HMMR: variants seen among roughly 807,000 people sequenced by gnomAD.
HMMR encodes the protein hyaluronan mediated motility receptor, also known as intracellular hyaluronic acid-binding protein.
In HMMR, 108 loss-of-function variants were observed where a neutral mutation model predicts 101.0. That is an observed-to-expected ratio of 1.07 (90% CI 0.92 to 1.25). The LOEUF (loss-of-function observed/expected upper bound fraction) is 1.25. Ranked by LOEUF, HMMR falls within the 50% of genes most tolerant of loss-of-function variation. The pLI is 0.00. For missense variants in HMMR, 813 were observed against 788.7 expected (o/e 1.03, Z -0.37); for synonymous variants, 296 against 276.4 (o/e 1.07, Z -0.70).
At chr5:163,477,707 A>C (rs921633190) in intron 11 of HMMR, among the ~76,000 whole-genome samples, 4 of 152,152 alleles carry the variant, frequency 2.6e-5, no homozygotes, top group African/African-American at 9.7e-5. Flanking sequence ...GTTGATTCTG[A>C]GCAAAACAAT....
chr5:163,460,804 C>T, intron 1 of HMMR, 66 bp downstream of exon 1: 1 of 1,465,366 alleles, frequency 6.8e-7, no homozygotes, highest in Non-Finnish European at 9.4e-7. Flanking sequence ...TTTCAGCTCC[C>T]TTCTTGGGAG....
At chr5:163,477,872 A>G (rs1036230344) in intron 11 of HMMR, among the ~76,000 whole-genome samples, 1 of 152,194 alleles carries the variant, frequency 6.6e-6, no homozygotes, top group Admixed American at 6.5e-5. Context: ...AAATATTTTT[A>G]TTATAAACTC....
At chr5:163,468,326 C>G (rs1001316121) in intron 4 of HMMR, among the ~76,000 whole-genome samples, 1 of 152,196 alleles carries the variant, frequency 6.6e-6, no homozygotes, top group African/African-American at 2.4e-5. Flanking sequence ...TCAGTAGCCA[C>G]ATGTGATTGG....
At position 163,464,752 on chromosome 5, in the gene HMMR, G is replaced by T; in HGVS notation, c.175G>T (p.Asp59Tyr). 1 of 1,612,906 alleles carries T rather than the reference G, an allele frequency of 6.2e-7. No homozygotes were observed. ...TAAACAAAATCTTAATGTTGACAAA[G>T]ATACTACCTTGCCTGCTTCAGCTAG... ...ESKQNLNVDK[D>Y]TTLPASARKV... The change falls in exon 3 of 18, where the codon GAT becomes TAT. Residue 59 changes from aspartate (D) to tyrosine (Y), a missense_variant. Asp to Tyr is a radical substitution (Grantham distance 160). Coordinates refer to ENST00000393915, the MANE Select transcript of HMMR (RefSeq NM_001142556.2).
At chr5:163,475,184 A>G (rs1759028402) in intron 10 of HMMR, among the ~76,000 whole-genome samples, 1 of 151,914 alleles carries the variant, frequency 6.6e-6, no homozygotes, top group Admixed American at 6.5e-5. Context: ...GCCAGTTGTA[A>G]AACAGATATA....
At chr5:163,469,877 G>GT in intron 5 of HMMR, 48 bp downstream of exon 5, 1 of 1,345,378 alleles carries the variant, frequency 7.4e-7, no homozygotes, top group African/African-American at 1.5e-5. Flanking sequence ...ATATAAACAC[G>GT]TTTTTTAGGG....
chr5:163,463,910 G>A lies in HMMR; in HGVS notation c.101G>A (p.Gly34Glu). Reference protein sequence around the residue: ...YDVKTLEVLKGPVSFQKSQRF... With the variant: ...YDVKTLEVLKEPVSFQKSQRF... ...GTTAAAACTTTAGAAGTATTGAAAG[G>A]ACCAGTATCCTTTCAGAAATCACAA... Residue 34 changes from glycine (G) to glutamate (E), a missense_variant, in exon 2 of 18, where the codon GGA becomes GAA. Gly to Glu is a moderately conservative substitution (Grantham distance 98, BLOSUM62 -2). Transcript: ENST00000393915. The A allele has an allele frequency of 6.7e-7, 1 of 1,483,596 alleles. No homozygotes were observed. 91.9% of individuals were successfully genotyped at this position (1,483,596 alleles called of 1,614,324 possible).
At chr5:163,490,060 T>G (rs1421449320) in intron 16 of HMMR, among the ~76,000 whole-genome samples, 2 of 152,234 alleles carry the variant, frequency 1.3e-5, no homozygotes, top group Non-Finnish European at 2.9e-5. Flanking sequence ...ATTTTATAAC[T>G]TTTAGTTTCA....
intron 5 of HMMR, 125 bp from the exon 6 acceptor site, chr5:163,471,060 C>T (rs557057593): frequency 1.6e-6 from 1 of 643,182 alleles, no homozygotes; most frequent in Admixed American, 2.8e-5. Context: ...ACTGTTCTCT[C>T]TACCAAAGTA....
chr5:163,477,550 C>A (rs1199028454), intron 11 of HMMR, among the ~76,000 whole-genome samples: 1 of 152,098 alleles, frequency 6.6e-6, no homozygotes, highest in Non-Finnish European at 1.5e-5. Flanking sequence ...TACAGCCAAT[C>A]TCAGGGAACA....
At chr5:163,473,115 G>A (rs1581192652) in intron 7 of HMMR, 64 bp from the exon 8 acceptor site, 1 of 815,230 alleles carries the variant, frequency 1.2e-6, no homozygotes. Flanking sequence ...TGGTACATAA[G>A]CATTATGTAA....
In HMMR at chr5:163,463,961, T is replaced by C. The variant is rs575364753; in HGVS notation, c.145+7T>C. 2.0e-6 allele frequency: 2 copies of C among 978,684 alleles called. No individual in the cohort carries two copies. Among genetic ancestry groups the C allele is most frequent in the Middle Eastern group, 3.1e-4 (1 of 3,188 alleles). 60.6% of individuals were successfully genotyped at this position (978,684 alleles called of 1,614,324 possible). On this transcript the variant is annotated splice_region_variant and intron_variant, in intron 2 of 17. Transcript: ENST00000393915. ...AGATTTAAACAACAAAAAGGTAATATAGATCACCAAAGAACAATGGTTATG... is the reference window on the plus strand; with the variant it reads ...AGATTTAAACAACAAAAAGGTAATACAGATCACCAAAGAACAATGGTTATG...
chr5:163,481,460 A>G (rs1286543997), intron 12 of HMMR, among the ~76,000 whole-genome samples: 10 of 152,146 alleles, frequency 6.6e-5, no homozygotes, highest in Admixed American at 3.9e-4. Context: ...TCATCAAACC[A>G]GACCTTTCTT....
At position 163,483,176 on chromosome 5, in the gene HMMR, A is replaced by G; in HGVS notation, c.1685+4A>G. 1 of 1,609,106 alleles carries G rather than the reference A, an allele frequency of 6.2e-7. No individual in the cohort carries two copies. Among genetic ancestry groups the G allele is most frequent in the Non-Finnish European group, 8.5e-7 (1 of 1,178,002 alleles). On this transcript the variant is annotated splice_donor_region_variant and intron_variant, in intron 14 of 17. Coordinates refer to ENST00000393915, the MANE Select transcript of HMMR (RefSeq NM_001142556.2). Reference sequence around the variant, plus strand: ...AGCTGGAAGATGAAGAAGGAAGGTAATCTATGATTAGAACCTGAGTGCCTT... The same window carrying G: ...AGCTGGAAGATGAAGAAGGAAGGTAGTCTATGATTAGAACCTGAGTGCCTT...
chr5:163,475,696 T>G, intron 11 of HMMR, 24 bp downstream of exon 11: 1 of 1,275,248 alleles, frequency 7.8e-7, no homozygotes, highest in Non-Finnish European at 1.1e-6. Flanking sequence ...GGATCTCATG[T>G]TTATGTATGA....
intron 12 of HMMR, among the ~76,000 whole-genome samples, chr5:163,479,959 C>T (rs1299621295): frequency 6.6e-6 from 1 of 152,194 alleles, no homozygotes; most frequent in African/African-American, 2.4e-5. Flanking sequence ...TTAATGTTAA[C>T]ATTTTTATTT....
At chr5:163,488,893 T>C (rs1759578720) in intron 16 of HMMR, among the ~76,000 whole-genome samples, 1 of 152,224 alleles carries the variant, frequency 6.6e-6, no homozygotes, top group Non-Finnish European at 1.5e-5. Flanking sequence ...GCAAACTAAC[T>C]AGCCTACTGT....
chr5:163,480,252 G>A (rs140026106), intron 12 of HMMR, among the ~76,000 whole-genome samples: 26 of 152,152 alleles, frequency 1.7e-4, no homozygotes, highest in East Asian at 9.7e-4. Flanking sequence ...TTTATGACAC[G>A]TATATCCATA....
chr5:163,483,922 T>G (rs1392074858), intron 15 of HMMR, 147 bp from the exon 16 acceptor site: 1 of 516,508 alleles, frequency 1.9e-6, no homozygotes, highest in Non-Finnish European at 3.4e-6. Context: ...AAGATTCTCA[T>G]AGAGAATCTA....
Sources: gnomAD v4.1 joint callset for allele counts (sites outside exome capture counted in the v4.1 genomes callset) on GRCh38, gnomAD v4.1.1 for gene constraint, MANE v1.5 for transcripts, NCBI Gene and HGNC (gene_info 2026-07-23, HGNC 2026-07-21) for gene names.